Variants in MDM2 observed in about 807,000 individuals in gnomAD.
MDM2 encodes E3 ubiquitin-protein ligase Mdm2.
MDM2 carries 11 observed loss-of-function variants against 64.3 expected under a neutral mutation model. The ratio of observed to expected loss-of-function variants is 0.17; its 90% CI spans 0.11 to 0.28. The LOEUF is 0.28. MDM2 is among the 10% of genes least tolerant of loss of function. MDM2 has a pLI of 1.00. For missense variants in MDM2, 388 were observed against 577.1 expected (o/e 0.67, Z 3.36); for synonymous variants, 194 against 192.9 (o/e 1.01, Z -0.05).
Position 68,842,440 on chromosome 12 carries a change from G to A in MDM2, c.*2591G>A, listed in dbSNP as rs1272911974. 1 of 464,506 alleles carries A rather than the reference G, an allele frequency of 2.2e-6. No individual in the cohort carries two copies. The highest frequency in any genetic ancestry group is 4.3e-6 in the Non-Finnish European group (1 of 234,886). 28.8% of individuals were successfully genotyped at this position (464,506 alleles called of 1,614,324 possible). ...TATTTACATTTGAAAATCTCCTTTG[G>A]AGACTTAGAACCTCTAAATTATTGA... On this transcript the variant is annotated 3_prime_UTR_variant, in exon 11 of 11. Coordinates refer to ENST00000258149, the MANE Select transcript of MDM2 (RefSeq NM_002392.6).
chr12:68,839,717 T>C lies in MDM2; in HGVS notation c.1362T>C (p.Gly454=). 1 of 1,613,936 alleles carries C rather than the reference T, an allele frequency of 6.2e-7. No homozygotes were observed. The highest frequency in any genetic ancestry group is 8.5e-7 in the Non-Finnish European group (1 of 1,179,994). ...CVICQGRPKN[G]CIVHGKTGHL... is the part of the protein sequence containing the mutation. ...TTTGTCAAGGTCGACCTAAAAATGG[T>C]TGCATTGTCCATGGCAAAACAGGAC... The change falls in exon 11 of 11, where the codon GGT becomes GGC. Residue 454 remains glycine, a synonymous_variant. Transcript: ENST00000258149.
chr12:68,830,630 G>A lies in MDM2; in HGVS notation c.684+1699G>A, dbSNP rs534716724. 9.9e-5 allele frequency among the ~76,000 whole-genome samples: 15 copies of A among 152,258 alleles called. No individual in the cohort carries two copies. In the South Asian group the frequency reaches 3.1e-3, roughly 32 times the overall value. On this transcript the variant is annotated intron_variant, in intron 8 of 10. Coordinates refer to ENST00000258149, the MANE Select transcript of MDM2 (RefSeq NM_002392.6). ...TAGGCTCTTGAGCGGAAATATATGT[G>A]ATAAAATTGAATCCAATTAAAACTT...
Position 68,841,779 on chromosome 12 carries a change from ATTG to A in MDM2, c.*1933_*1935del, listed in dbSNP as rs1474098250. The stretch of plus-strand genomic sequence containing the variant: ...TGTTATTTAAAAACTAACTGGAAAG[ATTG>A]TTAAGTTCTTTCTGAATTATTCAGA... On this transcript the variant is annotated 3_prime_UTR_variant, in exon 11 of 11. Coordinates refer to ENST00000258149, the MANE Select transcript of MDM2 (RefSeq NM_002392.6). 6 of 205,508 alleles carry A rather than the reference ATTG, an allele frequency of 2.9e-5. No individual in the cohort carries two copies. The East Asian group carries it at 4.5e-4, about 15-fold the overall frequency. The allele number at this position is 205,508 out of a possible 1,614,324, so 12.7% of individuals were successfully genotyped here. A position where few individuals can be genotyped will look rare whatever the true frequency, so the allele number is the denominator to read the frequency against.
chr12:68,813,403 T>C, intron 2 of MDM2, 151 bp from the exon 3 acceptor site: 1 of 592,062 alleles, frequency 1.7e-6, no homozygotes. Context: ...CAACTGATAC[T>C]TGATGATTCC....
At chr12:68,829,452 A>G (rs1054405338) in intron 8 of MDM2, among the ~76,000 whole-genome samples, 3 of 152,144 alleles carry the variant, frequency 2.0e-5, no homozygotes, top group African/African-American at 7.2e-5. Flanking sequence ...GGTAAGTTCT[A>G]TTTACTTATG....
chr12:68,811,839 A>C (rs1880925828), intron 2 of MDM2, among the ~76,000 whole-genome samples: 1 of 152,074 alleles, frequency 6.6e-6, no homozygotes, highest in East Asian at 1.9e-4. Flanking sequence ...TGACCTCCTG[A>C]TCTGCCTGTC....
Position 68,845,480 on chromosome 12 carries a change from T to G in MDM2, c.*5631T>G, listed in dbSNP as rs1884217776. On this transcript the variant is annotated 3_prime_UTR_variant, in exon 11 of 11. Transcript: ENST00000258149. Reference sequence around the variant, plus strand: ...TTATTCATAATGCATCTGAAATGATTGCTGTACTCAAATATTTAACGTTAG... The same window carrying G: ...TTATTCATAATGCATCTGAAATGATGGCTGTACTCAAATATTTAACGTTAG... 1 of 204,820 alleles carries G rather than the reference T, an allele frequency of 4.9e-6. No individual in the cohort carries two copies. The highest frequency in any genetic ancestry group is 2.3e-5 in the African/African-American group (1 of 43,690). The allele number at this position is 204,820 out of a possible 1,614,324, so 12.7% of individuals were successfully genotyped here.
rs959772898 is a variant in MDM2 at position 68,836,303 on chromosome 12, C to T, written c.840+319C>T. Among the ~76,000 whole-genome samples, 3 of 152,144 alleles carry T rather than the reference C, an allele frequency of 2.0e-5. No homozygotes were observed. In the South Asian group the frequency reaches 6.2e-4, roughly 32 times the overall value. On this transcript the variant is annotated intron_variant, in intron 9 of 10. Coordinates refer to ENST00000258149, the MANE Select transcript of MDM2 (RefSeq NM_002392.6). ...TAACTTACTTTCTATAAAAGTAAAA[C>T]ATGCATACAGTTAAAGTCAAGTAGT...
intron 4 of MDM2, among the ~76,000 whole-genome samples, chr12:68,817,744 A>G (rs1161101846): frequency 6.6e-6 from 1 of 151,790 alleles, no homozygotes; most frequent in African/African-American, 2.4e-5. Flanking sequence ...AACGAGCAAA[A>G]CTGCATCTGA....
At chr12:68,846,326 A>G (rs1356373902), downstream of MDM2, 2 of 152,174 alleles carry the variant, frequency 1.3e-5, no homozygotes, top group East Asian at 1.9e-4. Context: ...GGGTCAAGTG[A>G]TCTGCCCGTC....
rs1002497983 is a variant in MDM2 at position 68,836,059 on chromosome 12, AAAT to A, written c.840+80_840+82del. ...TCTATGTTCATTGACTTTGAGATTG[AAAT>A]AATATTATTCAGATTTCACTTGAAA... On this transcript the variant is annotated intron_variant, in intron 9 of 10. Coordinates refer to ENST00000258149, the MANE Select transcript of MDM2 (RefSeq NM_002392.6). 4.0e-6 allele frequency: 5 copies of A among 1,246,876 alleles called. No individual in the cohort carries two copies. In the Admixed American group the frequency reaches 1.3e-4, roughly 32 times the overall value. 77.2% of individuals were successfully genotyped at this position (1,246,876 alleles called of 1,614,324 possible). A position where few individuals can be genotyped will look rare whatever the true frequency, so the allele number is the denominator to read the frequency against.
chr12:68,821,743 C>CA (rs1265930648), intron 5 of MDM2, among the ~76,000 whole-genome samples: 1 of 151,948 alleles, frequency 6.6e-6, no homozygotes, highest in Non-Finnish European at 1.5e-5. Flanking sequence ...CAAAACAAAA[C>CA]AAAAAAACAC....
intron 8 of MDM2, 47 bp from the exon 9 acceptor site, chr12:68,835,782 G>A: frequency 6.4e-7 from 1 of 1,567,868 alleles, no homozygotes; most frequent in Non-Finnish European, 8.7e-7. Context: ...AGATACAGAG[G>A]TCAAGAGGTG....
intron 5 of MDM2, among the ~76,000 whole-genome samples, chr12:68,821,493 C>T (rs191192954): frequency 9.0e-4 from 137 of 152,238 alleles, no homozygotes; most frequent in African/African-American, 3.1e-3. Context: ...GAGGCTAAGG[C>T]AGGAGGATCA....
At chr12:68,833,312 A>ATATATATATTT (rs1555187833) in intron 8 of MDM2, among the ~76,000 whole-genome samples, 1,283 of 61,430 alleles carry the variant, frequency 0.021, 170 homozygotes, top group Non-Finnish European at 0.032. Flanking sequence ...TAAATATAAA[A>ATATATATATTT]ATATAATTAT....
At chr12:68,817,240 T>C (rs1384929898) in intron 4 of MDM2, among the ~76,000 whole-genome samples, 1 of 152,204 alleles carries the variant, frequency 6.6e-6, no homozygotes, top group Non-Finnish European at 1.5e-5. Context: ...ATGTGGAGGT[T>C]AAAGCTCTTG....
chr12:68,821,480 T>C (rs562537686), intron 5 of MDM2, among the ~76,000 whole-genome samples: 9 of 152,154 alleles, frequency 5.9e-5, no homozygotes, highest in African/African-American at 1.9e-4. Flanking sequence ...TCCAGCACTT[T>C]AGGAGGCTAA....
chr12:68,823,254 G>GT (rs3730560), intron 5 of MDM2, among the ~76,000 whole-genome samples: 1 of 73,554 alleles, frequency 1.4e-5, no homozygotes. Flanking sequence ...ATGTTTCCAA[G>GT]GGGGGTAGTA....
intron 8 of MDM2, among the ~76,000 whole-genome samples, chr12:68,832,518 T>G (rs1347897715): frequency 6.6e-6 from 1 of 151,996 alleles, no homozygotes; most frequent in Non-Finnish European, 1.5e-5. Flanking sequence ...AAATATATAT[T>G]TTTTAAATTT....
Sources: gnomAD v4.1 joint callset for allele counts (sites outside exome capture counted in the v4.1 genomes callset) on GRCh38, gnomAD v4.1.1 for gene constraint, MANE v1.5 for transcripts, NCBI Gene and HGNC (gene_info 2026-07-23, HGNC 2026-07-21) for gene names.